Variants in POLR3G observed in about 807,000 individuals in gnomAD.
The protein encoded by POLR3G is DNA-directed RNA polymerase III subunit RPC7.
A neutral mutation model predicts 30.1 loss-of-function variants in POLR3G; 28 were observed. The observed-to-expected ratio is 0.93, with a 90% CI of 0.69 to 1.27. POLR3G has a LOEUF of 1.27. POLR3G is among the 50% of genes most tolerant of loss of function. The probability of loss-of-function intolerance (pLI) is 0.00; values close to 1 mark genes in which losing one functional copy is unlikely to be tolerated. For synonymous variants in POLR3G, 79 were observed against 82.5 expected (o/e 0.96, Z 0.23); for missense variants, 254 against 264.6 (o/e 0.96, Z 0.28).
intron 1 of POLR3G, among the ~76,000 whole-genome samples, chr5:90,483,882 G>A (rs1291636680): frequency 1.3e-5 from 2 of 152,144 alleles, no homozygotes; most frequent in African/African-American, 4.8e-5. Flanking sequence ...AGCAATTATA[G>A]TTATCTTACC....
At chr5:90,502,740 T>C (rs1262774588) in intron 6 of POLR3G, among the ~76,000 whole-genome samples, 2 of 151,832 alleles carry the variant, frequency 1.3e-5, no homozygotes, top group African/African-American at 4.8e-5. Flanking sequence ...GTTTTCATTT[T>C]ATCACTTAAC....
At chr5:90,482,810 G>A (rs1477828777) in intron 1 of POLR3G, among the ~76,000 whole-genome samples, 2 of 152,082 alleles carry the variant, frequency 1.3e-5, no homozygotes, top group Admixed American at 6.5e-5. Context: ...TGCGCTTCCA[G>A]TTCACTGGCC....
intron 3 of POLR3G, chr5:90,490,646 T>C (rs987127648): frequency 5.0e-5 from 20 of 399,290 alleles, no homozygotes; most frequent in African/African-American, 4.0e-4. Context: ...TGGCTTCAAG[T>C]GATCCTCCCA....
chr5:90,508,578 C>T (rs1483915245), intron 7 of POLR3G, among the ~76,000 whole-genome samples: 2 of 151,950 alleles, frequency 1.3e-5, no homozygotes, highest in African/African-American at 4.8e-5. Context: ...GTCATCACCC[C>T]TCCCCCTCCC....
intron 7 of POLR3G, among the ~76,000 whole-genome samples, chr5:90,508,574 A>ACCCCTC (rs1387573584): frequency 2.0e-5 from 3 of 150,746 alleles, no homozygotes; most frequent in Non-Finnish European, 3.0e-5. Flanking sequence ...AGCTGTCATC[A>ACCCCTC]CCCCTCCCCC....
At chr5:90,489,421 A>G (rs1751611565) in intron 3 of POLR3G, among the ~76,000 whole-genome samples, 1 of 152,012 alleles carries the variant, frequency 6.6e-6, no homozygotes, top group African/African-American at 2.4e-5. Flanking sequence ...GCACAGCACC[A>G]TGCCCGGCTA....
At chr5:90,497,204 C>T (rs1048484434) in intron 4 of POLR3G, among the ~76,000 whole-genome samples, 1 of 151,740 alleles carries the variant, frequency 6.6e-6, no homozygotes, top group Non-Finnish European at 1.5e-5. Context: ...TCAGATATTA[C>T]AATTGTTTAT....
intron 3 of POLR3G, among the ~76,000 whole-genome samples, chr5:90,491,959 C>T (rs1358885670): frequency 6.6e-6 from 1 of 152,126 alleles, no homozygotes; most frequent in Non-Finnish European, 1.5e-5. Flanking sequence ...TCTTCAGAGA[C>T]TCTTATGTTT....
rs1752836925 is a variant in POLR3G, at chr5:90,513,694, G to A, written c.*1555G>A. The A allele has an allele frequency of 6.6e-6, 1 of 152,150 alleles. No homozygotes were observed. The highest frequency in any genetic ancestry group is 2.4e-5 in the African/African-American group (1 of 41,422). 9.4% of individuals were successfully genotyped at this position (152,150 alleles called of 1,614,324 possible). A position where few individuals can be genotyped will look rare whatever the true frequency, so the allele number is the denominator to read the frequency against. ...TACTTTCTTAAATAATTCAAGATGG[G>A]TGTGAGGACCTATCTTATTAGTTTA... is the stretch of plus-strand genomic sequence containing the variant. On this transcript the variant is annotated 3_prime_UTR_variant, in exon 8 of 8. Coordinates refer to ENST00000651687, the MANE Select transcript of POLR3G (RefSeq NM_006467.3).
At chr5:90,505,314 G>A (rs564918777) in intron 6 of POLR3G, among the ~76,000 whole-genome samples, 8 of 152,214 alleles carry the variant, frequency 5.3e-5, no homozygotes, top group Admixed American at 4.6e-4. Context: ...CCTTAATTAT[G>A]CGTATTAATA....
chr5:90,508,500 C>G (rs1355219417), intron 7 of POLR3G, among the ~76,000 whole-genome samples: 1 of 151,910 alleles, frequency 6.6e-6, no homozygotes, highest in Non-Finnish European at 1.5e-5. Flanking sequence ...AAAACATGTT[C>G]ATTTCCCATT....
Position 90,502,008 on chromosome 5 carries a change from A to C in POLR3G, c.438+20A>C, listed in dbSNP as rs1214551588. On this transcript the variant is annotated intron_variant, in intron 6 of 7. Coordinates refer to ENST00000651687, the MANE Select transcript of POLR3G (RefSeq NM_006467.3). ...ATGGAGGTAAGGTTTTCTTCTTACT[A>C]TACAAGTGAACTGAAAAAATGTAAA... 1 of 1,606,390 alleles carries C rather than the reference A, an allele frequency of 6.2e-7. No individual in the cohort carries two copies. Among genetic ancestry groups the C allele is most frequent in the African/African-American group, 1.3e-5 (1 of 74,414 alleles).
chr5:90,496,243 C>T (rs59607907), intron 4 of POLR3G, among the ~76,000 whole-genome samples: 17,275 of 152,196 alleles, frequency 0.11, 1,112 homozygotes, highest in African/African-American at 0.18. Context: ...GCTGGGATTA[C>T]AGGCATGAGC....
chr5:90,487,944 G>A, intron 2 of POLR3G, 56 bp from the exon 3 acceptor site: 2 of 1,381,498 alleles, frequency 1.4e-6, no homozygotes, highest in Non-Finnish European at 1.9e-6. Flanking sequence ...CAGATAAAAG[G>A]GATATTAAAA....
At chr5:90,474,128 C>G (rs777175204), upstream of POLR3G, 5 of 1,584,368 alleles carry the variant, frequency 3.2e-6, no homozygotes, top group South Asian at 1.1e-5. Flanking sequence ...AGTACAGGTA[C>G]TCCGGGAGGC....
rs536151581 is a variant in POLR3G at position 90,513,210 on chromosome 5, A to G, written c.*1071A>G. On this transcript the variant is annotated 3_prime_UTR_variant, in exon 8 of 8. Transcript: ENST00000651687. ...GGAAATTCATATTATATATTTCAAA[A>G]ATGATTTATCAATGTTATCTACCAA... is the stretch of plus-strand genomic sequence containing the variant. 6.5e-6 allele frequency: 1 copy of G among 152,708 alleles called. No homozygotes were observed. Among genetic ancestry groups the G allele is most frequent in the South Asian group, 2.1e-4 (1 of 4,834 alleles). The allele number at this position is 152,708 out of a possible 1,614,324, so 9.5% of individuals were successfully genotyped here.
chr5:90,507,884 C>A (rs1561259603), intron 7 of POLR3G, among the ~76,000 whole-genome samples: 1 of 152,088 alleles, frequency 6.6e-6, no homozygotes, highest in Non-Finnish European at 1.5e-5. Context: ...TCATCTCTTT[C>A]CCCTTTATTG....
intron 6 of POLR3G, 26 bp downstream of exon 6, chr5:90,502,014 G>C (rs1429075977): frequency 6.2e-7 from 1 of 1,602,672 alleles, no homozygotes; most frequent in Non-Finnish European, 8.5e-7. Context: ...TACTATACAA[G>C]TGAACTGAAA....
chr5:90,510,982 T>C (rs1752713871), intron 7 of POLR3G, among the ~76,000 whole-genome samples: 1 of 152,170 alleles, frequency 6.6e-6, no homozygotes, highest in Admixed American at 6.5e-5. Flanking sequence ...TAATTTCTTA[T>C]TATAGCAGAT....
Sources: gnomAD v4.1 joint callset for allele counts (sites outside exome capture counted in the v4.1 genomes callset) on GRCh38, gnomAD v4.1.1 for gene constraint, MANE v1.5 for transcripts, NCBI Gene and HGNC (gene_info 2026-07-23, HGNC 2026-07-21) for gene names.